PPP1R37: variants seen among roughly 807,000 people sequenced by gnomAD.
PPP1R37 encodes the protein protein phosphatase 1 regulatory subunit 37.
In PPP1R37, 21 loss-of-function variants were observed where a neutral mutation model predicts 61.0. The ratio of observed to expected loss-of-function variants is 0.34; its 90% CI spans 0.24 to 0.50. The LOEUF is 0.50. Ranked by LOEUF, PPP1R37 falls within the 20% of genes least tolerant of loss-of-function variation. The pLI is 0.98. For synonymous variants in PPP1R37, 443 were observed against 433.5 expected (o/e 1.02, Z -0.27); for missense variants, 910 against 952.7 (o/e 0.96, Z 0.59).
In PPP1R37 at chr19:45,142,041, CT is replaced by C. The variant is rs1968618830; in HGVS notation, c.568-19del. The C allele has an allele frequency of 4.0e-6, 6 of 1,495,116 alleles. No individual in the cohort carries two copies. Among genetic ancestry groups the C allele is most frequent in the East Asian group, 2.5e-5 (1 of 40,430 alleles). The allele number at this position is 1,495,116 out of a possible 1,614,324, so 92.6% of individuals were successfully genotyped here. A position where few individuals can be genotyped will look rare whatever the true frequency, so the allele number is the denominator to read the frequency against. On this transcript the variant is annotated intron_variant, in intron 5 of 12. Transcript: ENST00000221462. ...GCAGGCCTGAGCCAGTGCCTCACCC[CT>C]GTCCTCTTGCCCCTGCAGACGAGCT... is the stretch of plus-strand genomic sequence containing the variant.
In PPP1R37 at chr19:45,145,898, C is replaced by A. The variant is rs775663142; in HGVS notation, c.1842C>A (p.Asp614Glu). The change falls in exon 11 of 13, where the codon GAC becomes GAA. Residue 614 changes from aspartate to glutamate, a missense_variant. This residue lies in a region of PPP1R37 where 549 missense variants were observed against 505.1 expected (regional missense o/e 1.09). Coordinates refer to ENST00000221462, the MANE Select transcript of PPP1R37 (RefSeq NM_019121.2). ...CAGCCGGGGCCATTGACACCCGGGA[C>A]ACAGGGTCCTCTGAGCCTCAGCCAC... ...LPPAGAIDTR[D>E]TGSSEPQPPP... 1 of 1,533,664 alleles carries A rather than the reference C, an allele frequency of 6.5e-7. No homozygotes were observed. Among genetic ancestry groups the A allele is most frequent in the African/African-American group, 1.4e-5 (1 of 72,768 alleles).
chr19:45,120,713 C>G (rs186211050), intron 1 of PPP1R37, among the ~76,000 whole-genome samples: 84 of 152,242 alleles, frequency 5.5e-4, no homozygotes, highest in African/African-American at 2.0e-3. Flanking sequence ...ACATCCGCCT[C>G]CCAGGTTCAA....
intron 1 of PPP1R37, among the ~76,000 whole-genome samples, chr19:45,117,254 T>G (rs555426613): frequency 6.6e-6 from 1 of 152,118 alleles, no homozygotes; most frequent in African/African-American, 2.4e-5. Flanking sequence ...GCAAGTCAGC[T>G]GCGGCTTAAG....
chr19:45,098,420 C>T (rs1968020805), intron 1 of PPP1R37, among the ~76,000 whole-genome samples: 2 of 152,248 alleles, frequency 1.3e-5, no homozygotes, highest in Admixed American at 1.3e-4. Context: ...GATGAGAGCA[C>T]ATGACACCAG....
chr19:45,108,869 G>A (rs1439104086), intron 1 of PPP1R37: 12 of 152,172 alleles, frequency 7.9e-5, no homozygotes, highest in Admixed American at 7.2e-4. Flanking sequence ...TGTAACTCCC[G>A]ACCTCAGGTG....
At chr19:45,102,613 G>A (rs1599689322) in intron 1 of PPP1R37, among the ~76,000 whole-genome samples, 1 of 152,308 alleles carries the variant, frequency 6.6e-6, no homozygotes, top group Non-Finnish European at 1.5e-5. Flanking sequence ...GATGACCAGC[G>A]GGTAGGATCA....
chr19:45,123,738 C>T (rs1968368918), intron 1 of PPP1R37, among the ~76,000 whole-genome samples: 1 of 152,226 alleles, frequency 6.6e-6, no homozygotes, highest in African/African-American at 2.4e-5. Context: ...CCATTCTGTG[C>T]AGGGAATGCT....
chr19:45,133,901 T>C (rs1446315364), intron 1 of PPP1R37, among the ~76,000 whole-genome samples: 2 of 152,238 alleles, frequency 1.3e-5, no homozygotes, highest in African/African-American at 4.8e-5. Context: ...TGAGTCCGCA[T>C]TGAGTGCAGA....
rs973192795 is a variant in PPP1R37 at position 45,145,950 on chromosome 19, C to T, written c.1894C>T (p.Pro632Ser). The T allele has an allele frequency of 1.6e-5, 24 of 1,534,724 alleles. No individual in the cohort carries two copies. Among genetic ancestry groups the T allele is most frequent in the Admixed American group, 5.9e-5 (3 of 50,908 alleles). The change falls in exon 11 of 13, where the codon CCA (proline) becomes TCA (serine). Residue 632 changes from proline (P) to serine (S), a missense_variant. By Grantham distance (74) the Pro-to-Ser change is moderately conservative. Around this residue, in one of 3 missense-constraint regions of PPP1R37, gnomAD observed 549 missense variants for 505.1 expected, o/e 1.09. Transcript: ENST00000221462. Reference protein sequence around the residue: ...PPPEPPRSGPPLPNGLKPEFA... With the variant: ...PPPEPPRSGPSLPNGLKPEFA... ...ACCGGAGCCGCCTCGGTCAGGGCCA[C>T]CACTGCCCAACGGCCTGAAGCCCGA...
chr19:45,140,101 T>G, intron 2 of PPP1R37, 135 bp from the exon 3 acceptor site: 1 of 709,632 alleles, frequency 1.4e-6, no homozygotes, highest in African/African-American at 1.8e-5. Context: ...GGGTGGCCTC[T>G]GAGCCTCTGT....
At chr19:45,138,396 T>A (rs1968565208) in intron 1 of PPP1R37, 118 bp from the exon 2 acceptor site, 1 of 671,526 alleles carries the variant, frequency 1.5e-6, no homozygotes, top group Non-Finnish European at 2.5e-6. Flanking sequence ...GGCAGCCTGT[T>A]GTTGGGGGAG....
chr19:45,114,271 C>T (rs1968236888), intron 1 of PPP1R37, among the ~76,000 whole-genome samples: 1 of 152,242 alleles, frequency 6.6e-6, no homozygotes, highest in South Asian at 2.1e-4. Flanking sequence ...GGAGGCCAGG[C>T]TTTGCCTGTT....
At chr19:45,104,750 T>C (rs1041094502) in intron 1 of PPP1R37, among the ~76,000 whole-genome samples, 1 of 152,084 alleles carries the variant, frequency 6.6e-6, no homozygotes, top group African/African-American at 2.4e-5. Context: ...ACCTGGCTCT[T>C]GCCACCATCG....
chr19:45,095,787 G>A (rs534020578), intron 1 of PPP1R37, among the ~76,000 whole-genome samples: 3 of 150,110 alleles, frequency 2.0e-5, no homozygotes, highest in East Asian at 1.9e-4. Context: ...AAGAGTTTTG[G>A]CACTAGGAGC....
rs1314753367 is a variant in PPP1R37 at position 45,093,488 on chromosome 19, G to T, written c.163G>T (p.Val55Leu). The T allele has an allele frequency of 6.5e-7, 1 of 1,535,356 alleles. No individual in the cohort carries two copies. Among genetic ancestry groups the T allele is most frequent in the Non-Finnish European group, 8.7e-7 (1 of 1,146,710 alleles). The change falls in exon 1 of 13, where the codon GTG becomes TTG. Residue 55 changes from valine (V) to leucine (L), a missense_variant. Physicochemically the swap from Val to Leu is conservative, Grantham distance 32. Transcript: ENST00000221462. ...RVTFPSDEDI[V>L]SGAVEPKDPW... The stretch of plus-strand genomic sequence containing the variant: ...CACATTCCCGTCCGACGAGGATATC[G>T]TGTCTGGAGCAGTGGAGCCCAAAGA...
chr19:45,129,883 A>G (rs1968454702), intron 1 of PPP1R37, among the ~76,000 whole-genome samples: 1 of 152,268 alleles, frequency 6.6e-6, no homozygotes, highest in African/African-American at 2.4e-5. Flanking sequence ...TCAAACCTGA[A>G]TAAAACTACA....
At chr19:45,113,537 G>T (rs1188889909) in intron 1 of PPP1R37, among the ~76,000 whole-genome samples, 1 of 152,218 alleles carries the variant, frequency 6.6e-6, no homozygotes, top group Non-Finnish European at 1.5e-5. Context: ...TGCCCTGCAC[G>T]ATGGTAGCAG....
chr19:45,145,573 A>G lies in PPP1R37; in HGVS notation c.1517A>G (p.Asp506Gly). The change falls in exon 11 of 13, where the codon GAC becomes GGC. Residue 506 changes from aspartate to glycine, a missense_variant. Physicochemically the swap from Asp to Gly is moderately conservative, Grantham distance 94. Transcript: ENST00000221462. ...APSPAPSPDSDSDSDSDGEEE... is the reference protein window; with the variant it reads ...APSPAPSPDSGSDSDSDGEEE... The stretch of plus-strand genomic sequence containing the variant: ...AGCCCCGCACCCAGCCCGGACTCAG[A>G]CTCAGACTCGGACTCGGATGGGGAG... The G allele has an allele frequency of 6.5e-7, 1 of 1,535,684 alleles. No individual in the cohort carries two copies. The highest frequency in any genetic ancestry group is 8.7e-7 in the Non-Finnish European group (1 of 1,146,726).
chr19:45,137,906 A>C (rs1230082269), intron 1 of PPP1R37, among the ~76,000 whole-genome samples: 1 of 151,770 alleles, frequency 6.6e-6, no homozygotes, highest in Admixed American at 6.6e-5. Context: ...TGGGAGGCTG[A>C]GGCAGAAGGA....
Sources: allele counts gnomAD v4.1 joint callset (sites outside exome capture counted in the v4.1 genomes callset), GRCh38; gene constraint gnomAD v4.1.1; regional missense constraint gnomAD v4.1.1; transcripts MANE v1.5; gene names NCBI Gene and HGNC (gene_info 2026-07-23, HGNC 2026-07-21).